Variants in SLC39A11 observed in about 807,000 individuals in gnomAD.
SLC39A11 encodes zinc transporter ZIP11.
SLC39A11 carries 33 observed loss-of-function variants against 36.1 expected under a neutral mutation model. That is an observed-to-expected ratio of 0.91 (90% confidence interval 0.69 to 1.22). The LOEUF is 1.22. SLC39A11 is among the 50% of genes most tolerant of loss of function. SLC39A11 has a pLI of 0.00. For synonymous variants in SLC39A11, 166 were observed against 170.3 expected (o/e 0.97, Z 0.20); for missense variants, 432 against 430.3 (o/e 1.00, Z -0.03).
At chr17:72,788,039 T>A (rs1203787183) in intron 6 of SLC39A11, among the ~76,000 whole-genome samples, 3 of 152,250 alleles carry the variant, frequency 2.0e-5, no homozygotes, top group Non-Finnish European at 4.4e-5. Flanking sequence ...CAACATGTTT[T>A]ATTAACCACT....
rs143288340 is a variant in SLC39A11, at chr17:72,707,466, C to T, written c.671+29184G>A. ...ATAAGTTTTGCTATATTGATTACAA[C>T]TGACACAATGTGGACCTGTCCCAAG... is the stretch of plus-strand genomic sequence containing the variant. On this transcript the variant is annotated intron_variant, in intron 7 of 9. Transcript: ENST00000255559. 2.5e-3 allele frequency among the ~76,000 whole-genome samples: 381 copies of T among 152,284 alleles called. 4 individuals carry two copies. The highest frequency in any genetic ancestry group is 7.2e-3 in the African/African-American group (301 of 41,554).
chr17:72,899,379 G>C (rs72847960), intron 5 of SLC39A11, among the ~76,000 whole-genome samples: 5 of 151,872 alleles, frequency 3.3e-5, no homozygotes, highest in African/African-American at 1.2e-4. Context: ...ACCAACAATC[G>C]TAATTATTTA....
At chr17:72,878,989 A>C (rs1173656657) in intron 5 of SLC39A11, among the ~76,000 whole-genome samples, 2 of 152,244 alleles carry the variant, frequency 1.3e-5, no homozygotes, top group Non-Finnish European at 2.9e-5. Context: ...GAACCCAAGG[A>C]AACACTTCAC....
rs2069729665 is a variant in SLC39A11 at position 72,649,200 on chromosome 17, C to T, written c.740G>A (p.Gly247Glu). 1 of 1,614,174 alleles carries T rather than the reference C, an allele frequency of 6.2e-7. No homozygotes were observed. The highest frequency in any genetic ancestry group is 2.2e-5 in the East Asian group (1 of 44,886). Residue 247 changes from glycine to glutamate, a missense_variant, in exon 8 of 10, where the codon GGG (glycine) becomes GAG (glutamate). Physicochemically the swap from Gly to Glu is moderately conservative, Grantham distance 98. Transcript: ENST00000255559. The part of the protein sequence containing the change: ...EGLAVSLPLR[G>E]AGFSTWRAFW... ...AGCTCTCCAGGTGGAGAAGCCTGCC[C>T]CTCGCAAGGGAAGGCTGACAGCCAG... is the stretch of plus-strand genomic sequence containing the variant.
chr17:73,009,754 ATACTT>A (rs1008787645), intron 4 of SLC39A11, among the ~76,000 whole-genome samples: 1 of 152,120 alleles, frequency 6.6e-6, no homozygotes, highest in African/African-American at 2.4e-5. Flanking sequence ...TTTTTTTATT[ATACTT>A]TAAGTTCTAG....
chr17:72,696,525 C>G (rs76915199), intron 7 of SLC39A11, among the ~76,000 whole-genome samples: 9,816 of 152,150 alleles, frequency 0.065, 362 homozygotes, highest in South Asian at 0.13. Context: ...GCTTAATGGA[C>G]TCTCCTCACC....
chr17:72,806,253 A>C lies in SLC39A11; in HGVS notation c.601+43381T>G, dbSNP rs1438652222. Among the ~76,000 whole-genome samples, 4 of 152,174 alleles carry C rather than the reference A, an allele frequency of 2.6e-5. No individual in the cohort carries two copies. The East Asian group carries it at 5.8e-4, about 22-fold the overall frequency. ...CCAATCTTCAACTGCTTCCTAAGGAAGGGTACAAGTCTGAAAACATCTTTA... is the reference window on the plus strand; with the variant it reads ...CCAATCTTCAACTGCTTCCTAAGGACGGGTACAAGTCTGAAAACATCTTTA... On this transcript the variant is annotated intron_variant, in intron 6 of 9. Transcript: ENST00000255559.
At chr17:72,702,432 A>T (rs368214366) in intron 7 of SLC39A11, among the ~76,000 whole-genome samples, 1 of 152,336 alleles carries the variant, frequency 6.6e-6, no homozygotes, top group East Asian at 1.9e-4. Context: ...TCTAGTGGGA[A>T]GAGGCTAATG....
At chr17:72,951,431 G>C (rs1285603926) in intron 4 of SLC39A11, among the ~76,000 whole-genome samples, 11 of 152,116 alleles carry the variant, frequency 7.2e-5, no homozygotes. Flanking sequence ...TCTCTAGGAA[G>C]ACTCCCTGCT....
intron 7 of SLC39A11, among the ~76,000 whole-genome samples, chr17:72,656,585 C>T (rs1204161599): frequency 6.8e-6 from 1 of 148,082 alleles, no homozygotes; most frequent in African/African-American, 2.5e-5. Flanking sequence ...AGGATGACTC[C>T]TGGGGTTGGG....
At chr17:72,902,319 C>T (rs1040266210) in intron 5 of SLC39A11, among the ~76,000 whole-genome samples, 2 of 151,340 alleles carry the variant, frequency 1.3e-5, no homozygotes, top group African/African-American at 4.9e-5. Context: ...AGAGGACACA[C>T]AGAGGCCAGG....
intron 5 of SLC39A11, among the ~76,000 whole-genome samples, chr17:72,930,891 AC>A (rs1023227085): frequency 2.0e-5 from 3 of 152,104 alleles, no homozygotes; most frequent in African/African-American, 7.2e-5. Flanking sequence ...AGAGGGAAGG[AC>A]CCCAGGGTGG....
At chr17:72,827,632 T>C (rs1375997449) in intron 6 of SLC39A11, among the ~76,000 whole-genome samples, 1 of 152,052 alleles carries the variant, frequency 6.6e-6, no homozygotes, top group East Asian at 1.9e-4. Flanking sequence ...CCAACAGGGG[T>C]GCATGGAAAA....
At chr17:72,965,378 T>TTTCAAGCAC (rs2086890814) in intron 4 of SLC39A11, among the ~76,000 whole-genome samples, 1 of 152,200 alleles carries the variant, frequency 6.6e-6, no homozygotes, top group East Asian at 1.9e-4. Context: ...GTTTCAAGCT[T>TTTCAAGCAC]TTTTGACTTT....
chr17:72,964,646 T>C (rs1402355289), intron 4 of SLC39A11, among the ~76,000 whole-genome samples: 2 of 152,064 alleles, frequency 1.3e-5, no homozygotes, highest in Admixed American at 6.5e-5. Flanking sequence ...CCAGGTAGAG[T>C]ATGCCAACAA....
chr17:72,850,335 T>A (rs1178909262), intron 5 of SLC39A11, among the ~76,000 whole-genome samples: 2 of 151,738 alleles, frequency 1.3e-5, no homozygotes, highest in Non-Finnish European at 2.9e-5. Context: ...GCACCTGCAG[T>A]CCCAGCTACT....
chr17:73,013,996 G>A (rs2090671480), intron 4 of SLC39A11, among the ~76,000 whole-genome samples: 1 of 152,068 alleles, frequency 6.6e-6, no homozygotes, highest in Admixed American at 6.5e-5. Flanking sequence ...GCTGTGCCTT[G>A]GCAATCGTAA....
chr17:72,677,673 C>T (rs2071332604), intron 7 of SLC39A11, among the ~76,000 whole-genome samples: 2 of 152,076 alleles, frequency 1.3e-5, no homozygotes, highest in Admixed American at 1.3e-4. Flanking sequence ...AAGCACAGAC[C>T]GTGGGCCCCT....
At chr17:72,959,859 A>G (rs1327102630) in intron 4 of SLC39A11, among the ~76,000 whole-genome samples, 7 of 152,202 alleles carry the variant, frequency 4.6e-5, no homozygotes, top group Non-Finnish European at 1.0e-4. Flanking sequence ...GTACCTCTGT[A>G]CATGGACAAA....
Sources: gnomAD v4.1 joint callset for allele counts (sites outside exome capture counted in the v4.1 genomes callset) on GRCh38, gnomAD v4.1.1 for gene constraint, MANE v1.5 for transcripts, NCBI Gene and HGNC (gene_info 2026-07-23, HGNC 2026-07-21) for gene names.